CHRM3: variants seen among roughly 807,000 people sequenced by gnomAD.
CHRM3 encodes cholinergic receptor muscarinic 3.
Under a neutral mutation model 41.8 loss-of-function variants are expected in CHRM3, and 11 were observed. The observed-to-expected ratio is 0.26, with a 90% CI of 0.17 to 0.44. The LOEUF (loss-of-function observed/expected upper bound fraction) is 0.44, where lower values mean the gene tolerates loss of function less well. Among genes scored for constraint, CHRM3 ranks in the 20% least tolerant of loss-of-function variants. The pLI is 1.00. For missense variants in CHRM3, 571 were observed against 745.4 expected (o/e 0.77, Z 2.72); for synonymous variants, 297 against 301.4 (o/e 0.99, Z 0.15).
intron 3 of CHRM3, among the ~76,000 whole-genome samples, chr1:239,566,597 G>A (rs150675880): frequency 6.6e-5 from 10 of 152,142 alleles, no homozygotes; most frequent in East Asian, 1.9e-4. Context: ...ATTGAGACCC[G>A]GGTTAATTAT....
chr1:239,454,819 G>T (rs7513823), intron 1 of CHRM3, among the ~76,000 whole-genome samples: 1 of 152,114 alleles, frequency 6.6e-6, no homozygotes, highest in Non-Finnish European at 1.5e-5. Context: ...TAGTGGTCCC[G>T]TAGGATTATA....
intron 5 of CHRM3, among the ~76,000 whole-genome samples, chr1:239,727,264 G>A (rs1457945307): frequency 6.6e-6 from 1 of 151,794 alleles, no homozygotes; most frequent in Non-Finnish European, 1.5e-5. Flanking sequence ...TTTCTATTTG[G>A]ACAGAATTGT....
intron 4 of CHRM3, among the ~76,000 whole-genome samples, chr1:239,674,688 C>T (rs1433137522): frequency 8.4e-5 from 11 of 130,802 alleles, no homozygotes; most frequent in South Asian, 2.4e-4. Context: ...CCAGCCTGAG[C>T]GACAGACTGA....
intron 1 of CHRM3, among the ~76,000 whole-genome samples, chr1:239,465,259 G>A (rs966939148): frequency 2.6e-5 from 4 of 152,008 alleles, no homozygotes; most frequent in African/African-American, 9.7e-5. Flanking sequence ...GGGTAAGTGA[G>A]GTAACAAGGA....
intron 4 of CHRM3, among the ~76,000 whole-genome samples, chr1:239,634,083 C>G (rs1292766096): frequency 6.6e-6 from 1 of 152,114 alleles, no homozygotes; most frequent in Non-Finnish European, 1.5e-5. Context: ...TAGTAAGTGG[C>G]ACAGGTGAGA....
chr1:239,640,518 A>C (rs1671005045), intron 4 of CHRM3, among the ~76,000 whole-genome samples: 1 of 152,126 alleles, frequency 6.6e-6, no homozygotes, highest in Non-Finnish European at 1.5e-5. Flanking sequence ...CGAGGAATTT[A>C]TCCATTTCTT....
chr1:239,831,977 C>T (rs77716350), intron 6 of CHRM3, among the ~76,000 whole-genome samples: 2,513 of 152,296 alleles, frequency 0.017, 78 homozygotes, highest in African/African-American at 0.057. Context: ...TGTGTATTTA[C>T]TGAAAGACCA....
intron 6 of CHRM3, among the ~76,000 whole-genome samples, chr1:239,860,235 T>G (rs1455101974): frequency 6.6e-6 from 1 of 152,192 alleles, no homozygotes; most frequent in Non-Finnish European, 1.5e-5. Context: ...CTTAATTACA[T>G]AAACAAGTCT....
chr1:239,856,594 G>A (rs1675140624), intron 6 of CHRM3, among the ~76,000 whole-genome samples: 1 of 152,154 alleles, frequency 6.6e-6, no homozygotes, highest in African/African-American at 2.4e-5. Flanking sequence ...ACCCAGTCTT[G>A]GGTAGTTCTT....
intron 4 of CHRM3, among the ~76,000 whole-genome samples, chr1:239,640,162 T>A (rs1670950393): frequency 6.6e-6 from 1 of 151,694 alleles, no homozygotes. Flanking sequence ...CTGGATTCGG[T>A]TTGCCAGTAT....
Position 239,784,950 on chromosome 1 carries a change from A to G in CHRM3, c.-146-42302A>G, listed in dbSNP as rs189930661. Among the ~76,000 whole-genome samples the G allele has an allele frequency of 1.3e-3, 202 of 152,330 alleles. 1 individual carries two copies. Among genetic ancestry groups the G allele is most frequent in the Non-Finnish European group, 2.4e-3 (163 of 68,030 alleles). ...TTCTTTCATTTCTTACAAGATTTGC[A>G]TACCAAATTGTTAATTAAAAACAAT... On this transcript the variant is annotated intron_variant, in intron 5 of 6. Coordinates refer to ENST00000676153, the MANE Select transcript of CHRM3 (RefSeq NM_001375978.1).
At chr1:239,583,528 G>T (rs1663106320) in intron 3 of CHRM3, among the ~76,000 whole-genome samples, 1 of 152,110 alleles carries the variant, frequency 6.6e-6, no homozygotes, top group South Asian at 2.1e-4. Flanking sequence ...GGTCATGCAG[G>T]TCAATTTAGT....
At chr1:239,439,513 T>C (rs1663538058) in intron 1 of CHRM3, among the ~76,000 whole-genome samples, 1 of 151,866 alleles carries the variant, frequency 6.6e-6, no homozygotes, top group Admixed American at 6.6e-5. Flanking sequence ...ATAAGAACAA[T>C]GAGAGGAGAA....
At chr1:239,706,853 T>C (rs967571967) in intron 5 of CHRM3, 1 of 152,230 alleles carries the variant, frequency 6.6e-6, no homozygotes, top group Non-Finnish European at 1.5e-5. Flanking sequence ...TTCACAGGCA[T>C]GCACAAATGC....
At chr1:239,824,736 C>T in intron 5 of CHRM3, among the ~76,000 whole-genome samples, 1 of 152,070 alleles carries the variant, frequency 6.6e-6, no homozygotes, top group Non-Finnish European at 1.5e-5. Flanking sequence ...AAATACTCAC[C>T]AGTTATAAAA....
At position 239,739,645 on chromosome 1, in the gene CHRM3, A is replaced by T. The variant is rs534556927; in HGVS notation, c.-147+61357A>T. ...GTTCAGCATCGTATTATATGCTCAG[A>T]TAGCCTCAGTCACATGCTGGAGGAT... On this transcript the variant is annotated intron_variant, in intron 5 of 6. Transcript: ENST00000676153. 5.3e-5 allele frequency among the ~76,000 whole-genome samples: 8 copies of T among 152,254 alleles called. No homozygotes were observed. In the East Asian group the frequency reaches 1.4e-3, roughly 26 times the overall value.
At chr1:239,816,626 A>G (rs1278363082) in intron 5 of CHRM3, among the ~76,000 whole-genome samples, 2 of 152,124 alleles carry the variant, frequency 1.3e-5, no homozygotes, top group East Asian at 3.9e-4. Flanking sequence ...GCCACTGGGC[A>G]GCATAATCTA....
chr1:239,412,257 CTCCTTCATTTT>C (rs1195822103), intron 1 of CHRM3, among the ~76,000 whole-genome samples: 2 of 128,812 alleles, frequency 1.6e-5, no homozygotes, highest in Non-Finnish European at 3.3e-5. Context: ...TTTTGTCGTT[CTCCTTCATTTT>C]CTCTCTTCCT....
chr1:239,805,088 C>G (rs1414858080), intron 5 of CHRM3, among the ~76,000 whole-genome samples: 1 of 152,124 alleles, frequency 6.6e-6, no homozygotes, highest in Non-Finnish European at 1.5e-5. Flanking sequence ...AATAGTTACC[C>G]TGTGTTGAAG....
Sources: allele counts gnomAD v4.1 joint callset (sites outside exome capture counted in the v4.1 genomes callset), GRCh38; gene constraint gnomAD v4.1.1; transcripts MANE v1.5; gene names NCBI Gene and HGNC (gene_info 2026-07-23, HGNC 2026-07-21).